DCC: variants seen among roughly 807,000 people sequenced by gnomAD.
DCC encodes the protein DCC netrin 1 receptor, also known as netrin receptor DCC.
Under a neutral mutation model 172.5 loss-of-function variants are expected in DCC, and 58 were observed. The observed-to-expected ratio is 0.34, with a 90% confidence interval of 0.27 to 0.42. The LOEUF (loss-of-function observed/expected upper bound fraction) is 0.42. Ranked by LOEUF, DCC falls within the 10% of genes least tolerant of loss-of-function variation. DCC has a pLI of 1.00. For synonymous variants in DCC, 709 were observed against 644.5 expected, an observed-to-expected ratio of 1.10 and a Z score of -1.52; for missense variants, 1,740 against 1,791.0, an observed-to-expected ratio of 0.97 and a Z score of 0.51.
At chr18:52,705,782 C>G (rs1193424064) in intron 1 of DCC, among the ~76,000 whole-genome samples, 1 of 152,094 alleles carries the variant, frequency 6.6e-6, no homozygotes, top group Non-Finnish European at 1.5e-5. Flanking sequence ...TACAGTAGCT[C>G]ATAGAAGATA....
intron 9 of DCC, among the ~76,000 whole-genome samples, chr18:53,179,359 T>C (rs1454197468): frequency 6.6e-6 from 1 of 152,220 alleles, no homozygotes; most frequent in African/African-American, 2.4e-5. Flanking sequence ...ATCTATGCAG[T>C]CTACTTATTC....
chr18:53,229,913 T>C (rs938015681), intron 12 of DCC, among the ~76,000 whole-genome samples: 2 of 152,132 alleles, frequency 1.3e-5, no homozygotes, highest in African/African-American at 4.8e-5. Context: ...TATGAGACTA[T>C]AAGCCTTTAT....
chr18:52,965,963 C>T (rs1464926092), intron 5 of DCC, among the ~76,000 whole-genome samples: 2 of 152,120 alleles, frequency 1.3e-5, no homozygotes, highest in Non-Finnish European at 2.9e-5. Context: ...TCAGTACATT[C>T]AATAAACTCC....
chr18:53,444,635 G>C (rs1465506529), intron 22 of DCC, among the ~76,000 whole-genome samples: 1 of 152,196 alleles, frequency 6.6e-6, no homozygotes, highest in Non-Finnish European at 1.5e-5. Flanking sequence ...TGAAGGTTCA[G>C]ATGATGCTTA....
At chr18:53,171,842 A>C (rs1024114319) in intron 8 of DCC, among the ~76,000 whole-genome samples, 2 of 147,624 alleles carry the variant, frequency 1.4e-5, no homozygotes, top group African/African-American at 2.4e-5. Context: ...CACATCAGTC[A>C]GAATGGCTAT....
chr18:52,794,469 G>T (rs1003675329), intron 2 of DCC, among the ~76,000 whole-genome samples: 9 of 151,988 alleles, frequency 5.9e-5, no homozygotes, highest in Non-Finnish European at 1.2e-4. Flanking sequence ...GTATATAGGA[G>T]TGCTGCTTTT....
intron 5 of DCC, among the ~76,000 whole-genome samples, chr18:53,012,437 A>G (rs1010671835): frequency 1.3e-5 from 2 of 152,040 alleles, no homozygotes; most frequent in African/African-American, 4.8e-5. Context: ...TACTCTAAAA[A>G]TATATTTAAG....
chr18:52,716,387 G>C (rs1289847907), intron 1 of DCC, among the ~76,000 whole-genome samples: 1 of 152,234 alleles, frequency 6.6e-6, no homozygotes, highest in East Asian at 1.9e-4. Context: ...GTAAAGGGAA[G>C]AGGAGGGCCT....
At chr18:53,490,990 G>A (rs2045953912) in intron 26 of DCC, among the ~76,000 whole-genome samples, 1 of 152,202 alleles carries the variant, frequency 6.6e-6, no homozygotes, top group Non-Finnish European at 1.5e-5. Context: ...TCTCACTCCT[G>A]TCTAGTACAT....
chr18:53,002,679 T>C (rs764823840), intron 5 of DCC, among the ~76,000 whole-genome samples: 8 of 152,274 alleles, frequency 5.3e-5, no homozygotes, highest in Non-Finnish European at 1.2e-4. Context: ...TTATTATACT[T>C]TAAGTTTTAG....
intron 9 of DCC, among the ~76,000 whole-genome samples, chr18:53,193,719 G>A (rs534521112): frequency 5.3e-5 from 8 of 152,242 alleles, no homozygotes; most frequent in Admixed American, 1.3e-4. Flanking sequence ...GGAGAATAGA[G>A]TGCTAAATTT....
At chr18:53,019,099 G>T (rs961947994) in intron 5 of DCC, among the ~76,000 whole-genome samples, 3 of 152,122 alleles carry the variant, frequency 2.0e-5, no homozygotes, top group Admixed American at 2.0e-4. Flanking sequence ...GGCCAATGCT[G>T]TCTAGCACAA....
chr18:53,250,925 C>T (rs1223459165), intron 12 of DCC, among the ~76,000 whole-genome samples: 1 of 151,904 alleles, frequency 6.6e-6, no homozygotes, highest in Admixed American at 6.6e-5. Context: ...CATCCGTGAC[C>T]TCTATGCTGT....
chr18:53,093,740 A>C (rs950926835), intron 7 of DCC, among the ~76,000 whole-genome samples: 3 of 152,168 alleles, frequency 2.0e-5, no homozygotes, highest in African/African-American at 4.8e-5. Context: ...TTCATGCTTG[A>C]GTGTCTTTTT....
intron 1 of DCC, among the ~76,000 whole-genome samples, chr18:52,496,836 A>G (rs953626188): frequency 6.6e-6 from 1 of 152,110 alleles, no homozygotes; most frequent in Non-Finnish European, 1.5e-5. Context: ...GTTTTATTTT[A>G]AAATCTTTAA....
In DCC at chr18:53,280,091, A is replaced by C. The variant is rs568490035; in HGVS notation, c.1912-25487A>C. ...AAATGTACCCATGAACCTAAAACAAAAGTTTTTTAAAAAAAATCCTAGGCT... is the reference window on the plus strand; with the variant it reads ...AAATGTACCCATGAACCTAAAACAACAGTTTTTTAAAAAAAATCCTAGGCT... On this transcript the variant is annotated intron_variant, in intron 12 of 28. Transcript: ENST00000442544. 7.9e-5 allele frequency among the ~76,000 whole-genome samples: 12 copies of C among 152,180 alleles called. No homozygotes were observed. The East Asian group carries it at 2.3e-3, about 29-fold the overall frequency.
intron 2 of DCC, among the ~76,000 whole-genome samples, chr18:52,903,600 A>G (rs1224970284): frequency 6.6e-6 from 1 of 152,208 alleles, no homozygotes; most frequent in Non-Finnish European, 1.5e-5. Context: ...ATCAACTTAA[A>G]ATTTTATTCT....
intron 1 of DCC, among the ~76,000 whole-genome samples, chr18:52,580,223 C>T (rs1174974593): frequency 6.6e-6 from 1 of 152,142 alleles, no homozygotes; most frequent in Non-Finnish European, 1.5e-5. Flanking sequence ...CCTTAAGGCC[C>T]AATCAGAATC....
intron 5 of DCC, among the ~76,000 whole-genome samples, chr18:52,988,993 AT>A (rs202099687): frequency 4.6e-5 from 7 of 150,764 alleles, no homozygotes; most frequent in South Asian, 2.1e-4. Context: ...TAGAAAATAG[AT>A]TTTTTTTTCA....
Sources: gnomAD v4.1 joint callset for allele counts (sites outside exome capture counted in the v4.1 genomes callset) on GRCh38, gnomAD v4.1.1 for gene constraint, MANE v1.5 for transcripts, NCBI Gene and HGNC (gene_info 2026-07-23, HGNC 2026-07-21) for gene names.